RNF13: variants seen among roughly 807,000 people sequenced by gnomAD.
The protein encoded by RNF13 is ring finger protein 13.
In RNF13, 19 loss-of-function variants were observed where a neutral mutation model predicts 37.7. The ratio of observed to expected loss-of-function variants is 0.50; its 90% CI spans 0.35 to 0.74. The LOEUF is 0.74. Ranked by LOEUF, RNF13 falls within the 30% of genes least tolerant of loss-of-function variation. The probability of loss-of-function intolerance (pLI) is 0.01; values close to 1 mark genes in which losing one functional copy is unlikely to be tolerated. For synonymous variants in RNF13, 144 were observed against 157.8 expected (o/e 0.91, Z 0.65); for missense variants, 375 against 453.0 (o/e 0.83, Z 1.56).
intron 1 of RNF13, among the ~76,000 whole-genome samples, chr3:149,830,791 C>G (rs59613528): frequency 1.3e-5 from 2 of 151,732 alleles, no homozygotes; most frequent in East Asian, 3.9e-4. Context: ...TGTCAGAGGT[C>G]TTCATGGCAG....
chr3:149,850,489 A>G (rs1328658013), intron 2 of RNF13, among the ~76,000 whole-genome samples: 1 of 152,224 alleles, frequency 6.6e-6, no homozygotes, highest in Non-Finnish European at 1.5e-5. Context: ...AAAGGGTTTC[A>G]TTCAGTAACA....
intron 8 of RNF13, among the ~76,000 whole-genome samples, chr3:149,927,068 A>G (rs1208768501): frequency 6.6e-6 from 1 of 152,198 alleles, no homozygotes; most frequent in Non-Finnish European, 1.5e-5. Flanking sequence ...TTGTTATGCA[A>G]CCATCACCAC....
At chr3:149,955,650 G>GTC (rs1213189300) in intron 8 of RNF13, among the ~76,000 whole-genome samples, 2 of 152,162 alleles carry the variant, frequency 1.3e-5, no homozygotes, top group Non-Finnish European at 2.9e-5. Context: ...GAAGCAGCGA[G>GTC]TAAGTGGCAA....
At chr3:149,947,873 G>A (rs1019615270) in intron 8 of RNF13, among the ~76,000 whole-genome samples, 3 of 151,894 alleles carry the variant, frequency 2.0e-5, no homozygotes, top group African/African-American at 7.3e-5. Flanking sequence ...TTTGATATAT[G>A]TATGGCCACT....
chr3:149,860,868 A>G (rs1446168612), intron 3 of RNF13, among the ~76,000 whole-genome samples: 1 of 152,204 alleles, frequency 6.6e-6, no homozygotes, highest in Non-Finnish European at 1.5e-5. Flanking sequence ...TCCATGTGAC[A>G]GGGGACTAAT....
intron 7 of RNF13, among the ~76,000 whole-genome samples, chr3:149,915,992 TTATGTTGTG>T (rs147316307): frequency 0.017 from 2,577 of 152,268 alleles, 78 homozygotes; most frequent in African/African-American, 0.058. Context: ...ATAGTAAGGT[TTATGTTGTG>T]TATATTTTAC....
At chr3:149,944,083 T>C (rs187124093) in intron 8 of RNF13, among the ~76,000 whole-genome samples, 4,039 of 152,230 alleles carry the variant, frequency 0.027, 69 homozygotes, top group South Asian at 0.037. Context: ...GTCCTTGCGA[T>C]AGTTTGCTGA....
intron 1 of RNF13, among the ~76,000 whole-genome samples, chr3:149,834,403 A>G (rs1007797276): frequency 6.6e-6 from 1 of 152,228 alleles, no homozygotes; most frequent in Non-Finnish European, 1.5e-5. Context: ...ATATAGAGCA[A>G]TGGAATAGAA....
At chr3:149,936,480 T>C (rs1576564323) in intron 8 of RNF13, among the ~76,000 whole-genome samples, 1 of 152,194 alleles carries the variant, frequency 6.6e-6, no homozygotes, top group East Asian at 1.9e-4. Context: ...TCACTGATTC[T>C]TTCTTCTGCT....
intron 8 of RNF13, among the ~76,000 whole-genome samples, chr3:149,936,476 ATTCT>A (rs1719689955): frequency 6.6e-6 from 1 of 151,742 alleles, no homozygotes; most frequent in African/African-American, 2.4e-5. Flanking sequence ...GAGCTCACTG[ATTCT>A]TTCTTCTGCT....
intron 7 of RNF13, among the ~76,000 whole-genome samples, chr3:149,916,212 CCTA>C (rs1028562617): frequency 6.6e-6 from 1 of 151,804 alleles, no homozygotes; most frequent in African/African-American, 2.4e-5. Context: ...TTTTCCAGTT[CCTA>C]CTAAAGTGTA....
intron 1 of RNF13, among the ~76,000 whole-genome samples, chr3:149,818,843 G>A (rs1559884759): frequency 6.6e-6 from 1 of 152,126 alleles, no homozygotes; most frequent in African/African-American, 2.4e-5. Context: ...CCTGGGAGGC[G>A]GAGGTTGCAG....
chr3:149,919,088 A>G (rs1717852889), intron 7 of RNF13, among the ~76,000 whole-genome samples: 1 of 152,110 alleles, frequency 6.6e-6, no homozygotes, highest in South Asian at 2.1e-4. Flanking sequence ...TCCTATTGAT[A>G]TGAACATTTG....
intron 8 of RNF13, among the ~76,000 whole-genome samples, chr3:149,925,594 T>C (rs1718555183): frequency 6.6e-6 from 1 of 152,244 alleles, no homozygotes; most frequent in African/African-American, 2.4e-5. Context: ...TTTAAAGATT[T>C]TACTTACCCA....
At chr3:149,833,097 CTT>C (rs1721226023) in intron 1 of RNF13, among the ~76,000 whole-genome samples, 1 of 147,844 alleles carries the variant, frequency 6.8e-6, no homozygotes, top group South Asian at 2.1e-4. Flanking sequence ...AACTACATAA[CTT>C]ATCGTTCTCT....
intron 6 of RNF13, among the ~76,000 whole-genome samples, chr3:149,907,148 AT>A (rs1454080567): frequency 6.6e-6 from 1 of 152,152 alleles, no homozygotes; most frequent in Admixed American, 6.5e-5. Context: ...ATAACCTGCA[AT>A]TTGACTAAAT....
intron 7 of RNF13, among the ~76,000 whole-genome samples, chr3:149,918,587 G>A (rs998721543): frequency 9.2e-5 from 14 of 151,924 alleles, no homozygotes; most frequent in Admixed American, 8.5e-4. Context: ...ACCCAGGCTG[G>A]AGTACAGTGG....
intron 6 of RNF13, among the ~76,000 whole-genome samples, chr3:149,906,812 C>T (rs1044942993): frequency 6.6e-6 from 1 of 151,744 alleles, no homozygotes; most frequent in Non-Finnish European, 1.5e-5. Context: ...CCACCTTGCC[C>T]AGCTAATTTT....
rs986312938 is a variant in RNF13 at position 149,961,122 on chromosome 3, G to T, written c.*18G>T. 6.3e-7 allele frequency: 1 copy of T among 1,574,890 alleles called. No individual in the cohort carries two copies. Among genetic ancestry groups the T allele is most frequent in the Non-Finnish European group, 8.6e-7 (1 of 1,160,832 alleles). ...CTGTTTGACTTTCAGAAGATGATTG[G>T]TTTATTTCCCTTTAAAATGATTAGG... On this transcript the variant is annotated 3_prime_UTR_variant, in exon 10 of 10. Transcript: ENST00000392894.
Sources: gnomAD v4.1 joint callset for allele counts (sites outside exome capture counted in the v4.1 genomes callset) on GRCh38, gnomAD v4.1.1 for gene constraint, MANE v1.5 for transcripts, NCBI Gene and HGNC (gene_info 2026-07-23, HGNC 2026-07-21) for gene names.